ITSN1: variants seen among roughly 807,000 people sequenced by gnomAD.
The protein encoded by ITSN1 is intersectin 1.
A neutral mutation model predicts 239.8 loss-of-function variants in ITSN1; 58 were observed. The observed-to-expected ratio is 0.24, with a 90% CI of 0.20 to 0.30. ITSN1 has a LOEUF of 0.30. Ranked by LOEUF, ITSN1 falls within the 10% of genes least tolerant of loss-of-function variation. The probability of loss-of-function intolerance (pLI) is 1.00; values close to 1 mark genes in which losing one functional copy is unlikely to be tolerated. For synonymous variants in ITSN1, 780 were observed against 770.8 expected (o/e 1.01, Z -0.20); for missense variants, 1,558 against 2,103.3 (o/e 0.74, Z 5.07).
At chr21:33,746,450 G>A (rs948855752) in intron 5 of ITSN1, among the ~76,000 whole-genome samples, 1 of 152,146 alleles carries the variant, frequency 6.6e-6, no homozygotes, top group Non-Finnish European at 1.5e-5. Flanking sequence ...GGAAAACGTG[G>A]AAATGAATCA....
intron 1 of ITSN1, among the ~76,000 whole-genome samples, chr21:33,657,531 A>AT (rs2089194318): frequency 6.6e-6 from 1 of 151,862 alleles, no homozygotes; most frequent in Non-Finnish European, 1.5e-5. Flanking sequence ...TTTTCACTGT[A>AT]TTTATCTGTC....
chr21:33,768,473 G>A (rs2068878654), intron 11 of ITSN1, among the ~76,000 whole-genome samples: 1 of 152,064 alleles, frequency 6.6e-6, no homozygotes, highest in Admixed American at 6.6e-5. Flanking sequence ...TAGAGATGGG[G>A]TTTCACCATG....
intron 25 of ITSN1, among the ~76,000 whole-genome samples, chr21:33,825,788 T>C (rs1046639147): frequency 1.3e-5 from 2 of 152,230 alleles, no homozygotes; most frequent in African/African-American, 4.8e-5. Context: ...TGTATAACTT[T>C]GTTCGTTAAT....
intron 1 of ITSN1, among the ~76,000 whole-genome samples, chr21:33,648,606 G>A (rs918772355): frequency 6.6e-6 from 1 of 152,176 alleles, no homozygotes; most frequent in African/African-American, 2.4e-5. Context: ...CAATACTTGA[G>A]AGGCCAAGGT....
In ITSN1 at chr21:33,702,108, T is replaced by TAAACA. The variant is rs1568974883; in HGVS notation, c.-32-16689_-32-16688insAAACA. On this transcript the variant is annotated intron_variant, in intron 1 of 39. Transcript: ENST00000381318. ...AAACAAAAAAATTTTTTTTTTTTTT[T>TAAACA]TTTTTTTTTTTTTTTTTTTTTTTTT... Among the ~76,000 whole-genome samples the TAAACA allele has an allele frequency of 7.2e-4, 103 of 142,330 alleles. 3 individuals are homozygous for TAAACA. Among genetic ancestry groups the TAAACA allele is most frequent in the South Asian group, 1.7e-3 (8 of 4,596 alleles). 93.4% of individuals were successfully genotyped at this position (142,330 alleles called of 152,430 possible).
At chr21:33,823,691 C>T (rs369928592) in intron 25 of ITSN1, 38 bp downstream of exon 25, 110 of 1,572,084 alleles carry the variant, frequency 7.0e-5, no homozygotes, top group Middle Eastern at 1.7e-4. Context: ...CCTTTCTGTG[C>T]GGTGATTCTC....
At chr21:33,707,754 A>G (rs1377036844) in intron 1 of ITSN1, among the ~76,000 whole-genome samples, 1 of 152,182 alleles carries the variant, frequency 6.6e-6, no homozygotes, top group East Asian at 1.9e-4. Flanking sequence ...GCCAAGTAGC[A>G]TTTCATTGGA....
At chr21:33,851,734 T>C (rs1157131449) in intron 29 of ITSN1, among the ~76,000 whole-genome samples, 1 of 130,488 alleles carries the variant, frequency 7.7e-6, no homozygotes, top group Admixed American at 7.3e-5. Context: ...TTTTAATTTC[T>C]TTTTTTTTTT....
At position 33,800,726 on chromosome 21, in the gene ITSN1, C is replaced by A. The variant is rs183730143; in HGVS notation, c.2304+797C>A. On this transcript the variant is annotated intron_variant, in intron 19 of 39. Coordinates refer to ENST00000381318, the MANE Select transcript of ITSN1 (RefSeq NM_003024.3). ...ATTTTCTAAAAGAAAATAGTAGTTC[C>A]TTGTTCTAGTTACTCTCTTTAGAGT... is the stretch of plus-strand genomic sequence containing the variant. Among the ~76,000 whole-genome samples, 642 of 151,908 alleles carry A rather than the reference C, an allele frequency of 4.2e-3. 4 individuals are homozygous for A. The highest frequency in any genetic ancestry group is 0.015 in the African/African-American group (619 of 41,416).
At chr21:33,876,833 C>T (rs1304678238) in intron 34 of ITSN1, among the ~76,000 whole-genome samples, 2 of 152,124 alleles carry the variant, frequency 1.3e-5, no homozygotes, top group South Asian at 4.1e-4. Flanking sequence ...GATCACGCTA[C>T]TATACTCCAG....
At chr21:33,849,565 CAAAAAAA>C (rs55906219) in intron 29 of ITSN1, among the ~76,000 whole-genome samples, 4 of 85,740 alleles carry the variant, frequency 4.7e-5, no homozygotes, top group Non-Finnish European at 1.1e-4. Context: ...GACTCTGTCT[CAAAAAAA>C]AAAAAAAAAA....
chr21:33,766,951 TGA>T (rs2068761929), intron 10 of ITSN1, among the ~76,000 whole-genome samples: 1 of 152,128 alleles, frequency 6.6e-6, no homozygotes, highest in Admixed American at 6.5e-5. Context: ...GTGGATCACT[TGA>T]GGTCAGGAGT....
At chr21:33,720,824 G>A (rs1017694218) in intron 2 of ITSN1, among the ~76,000 whole-genome samples, 5 of 152,114 alleles carry the variant, frequency 3.3e-5, no homozygotes, top group Non-Finnish European at 4.4e-5. Flanking sequence ...GCACTTGAGA[G>A]TACAGTTTTA....
intron 31 of ITSN1, among the ~76,000 whole-genome samples, chr21:33,863,660 G>C (rs1456990314): frequency 1.3e-5 from 2 of 152,100 alleles, no homozygotes; most frequent in Non-Finnish European, 2.9e-5. Context: ...AGAAGGAAAG[G>C]GTGAAAGTAC....
In ITSN1 at chr21:33,884,403, C is replaced by T. The variant is rs141002255; in HGVS notation, c.4677-638C>T. ...TAAATGGGCATTCTGGAACCTAGGGCTGTGGGTATTTTGCTTCAATCTGTC... is the reference window on the plus strand; with the variant it reads ...TAAATGGGCATTCTGGAACCTAGGGTTGTGGGTATTTTGCTTCAATCTGTC... On this transcript the variant is annotated intron_variant, in intron 36 of 39. Coordinates refer to ENST00000381318, the MANE Select transcript of ITSN1 (RefSeq NM_003024.3). Among the ~76,000 whole-genome samples the T allele has an allele frequency of 7.9e-4, 121 of 152,262 alleles. 1 individual carries two copies. The highest frequency in any genetic ancestry group is 2.9e-3 in the African/African-American group (119 of 41,550).
rs751693562 is a variant in ITSN1, at chr21:33,818,295, A to G, written c.2756A>G (p.Gln919Arg). 1 of 1,614,214 alleles carries G rather than the reference A, an allele frequency of 6.2e-7. No homozygotes were observed. Among genetic ancestry groups the G allele is most frequent in the Middle Eastern group, 1.6e-4 (1 of 6,062 alleles). The part of the protein sequence containing the change: ...QGEKVEGLQA[Q>R]ALYPWRAKKD... ...GAAAAGGTGGAGGGGCTACAAGCTC[A>G]AGCCCTATATCCTTGGAGAGCCAAA... Residue 919 changes from glutamine to arginine, a missense_variant, in exon 23 of 40, where the codon CAA becomes CGA. Transcript: ENST00000381318.
At chr21:33,734,068 A>C (rs1203861426) in intron 4 of ITSN1, among the ~76,000 whole-genome samples, 4 of 152,148 alleles carry the variant, frequency 2.6e-5, no homozygotes, top group Admixed American at 2.6e-4. Flanking sequence ...TTTTAATTGA[A>C]CTGTCTTATT....
In ITSN1 at chr21:33,824,179, T is replaced by A. The variant is rs188775054; in HGVS notation, c.3183+526T>A. Reference sequence around the variant, plus strand: ...TTTGGCTAGGCCTTAGAATCTCCGTTGATCAGGACTGAATTTAAGTGCTGT... The same window carrying A: ...TTTGGCTAGGCCTTAGAATCTCCGTAGATCAGGACTGAATTTAAGTGCTGT... On this transcript the variant is annotated intron_variant, in intron 25 of 39. Transcript: ENST00000381318. 5.9e-5 allele frequency among the ~76,000 whole-genome samples: 9 copies of A among 152,338 alleles called. No individual in the cohort carries two copies. In the East Asian group the frequency reaches 1.7e-3, roughly 29 times the overall value.
At chr21:33,774,650 C>T in intron 12 of ITSN1, 79 bp from the exon 13 acceptor site, 2 of 1,370,150 alleles carry the variant, frequency 1.5e-6, no homozygotes, top group Non-Finnish European at 2.0e-6. Context: ...GAAAGACTTC[C>T]TAGATGCCAT....
Sources: allele counts gnomAD v4.1 joint callset (sites outside exome capture counted in the v4.1 genomes callset), GRCh38; gene constraint gnomAD v4.1.1; transcripts MANE v1.5; gene names NCBI Gene and HGNC (gene_info 2026-07-23, HGNC 2026-07-21).